LRRK2: variants seen among roughly 807,000 people sequenced by gnomAD.
The protein encoded by LRRK2 is leucine-rich repeat serine/threonine-protein kinase 2.
Under a neutral mutation model 302.6 loss-of-function variants are expected in LRRK2, and 203 were observed. That is an observed-to-expected ratio of 0.67 (90% CI 0.60 to 0.75). The LOEUF (loss-of-function observed/expected upper bound fraction) is 0.75, where lower values mean the gene tolerates loss of function less well. LRRK2 is among the 30% of genes least tolerant of loss of function. The probability of loss-of-function intolerance (pLI) is 0.00; values close to 1 mark genes in which losing one functional copy is unlikely to be tolerated. For missense variants in LRRK2, 2,830 were observed against 2,951.0 expected, an observed-to-expected ratio of 0.96 and a Z score of 0.95; for synonymous variants, 1,066 against 1,031.9, an observed-to-expected ratio of 1.03 and a Z score of -0.63.
At chr12:40,294,209 G>A (rs1206891451) in intron 21 of LRRK2, among the ~76,000 whole-genome samples, 2 of 150,338 alleles carry the variant, frequency 1.3e-5, no homozygotes, top group Non-Finnish European at 3.0e-5. Flanking sequence ...ATCTATTTTG[G>A]TGTATTGAAA....
chr12:40,288,003 TTAA>T (rs1181598891), intron 20 of LRRK2, among the ~76,000 whole-genome samples: 2 of 151,938 alleles, frequency 1.3e-5, no homozygotes, highest in Non-Finnish European at 2.9e-5. Flanking sequence ...TATTAATATT[TTAA>T]TAGCTCACTT....
intron 49 of LRRK2, chr12:40,365,288 T>A (rs1010045157): frequency 9.2e-5 from 43 of 467,024 alleles, no homozygotes; most frequent in African/African-American, 7.7e-4. Context: ...TCAGTTTGGG[T>A]CTTACTTGCT....
At chr12:40,259,226 A>G (rs1250408459) in intron 12 of LRRK2, among the ~76,000 whole-genome samples, 2 of 152,218 alleles carry the variant, frequency 1.3e-5, no homozygotes, top group Admixed American at 1.3e-4. Flanking sequence ...TTATTGACCC[A>G]TCGTAGGTCA....
chr12:40,316,884 G>C (rs181505086), intron 33 of LRRK2, among the ~76,000 whole-genome samples: 8 of 152,142 alleles, frequency 5.3e-5, no homozygotes, highest in Non-Finnish European at 1.0e-4. Context: ...CCTAGCTGGC[G>C]CACAATAGTT....
chr12:40,283,924 G>A lies in LRRK2; in HGVS notation c.2291G>A (p.Ser764Asn), dbSNP rs774818561. 1.2e-6 allele frequency: 2 copies of A among 1,613,730 alleles called. No homozygotes were observed. Among genetic ancestry groups the A allele is most frequent in the South Asian group, 2.2e-5 (2 of 91,042 alleles). The change falls in exon 19 of 51, where the codon AGT becomes AAT. Residue 764 changes from serine (S) to asparagine (N), a missense_variant. Ser to Asn is a conservative substitution (Grantham distance 46, BLOSUM62 1). Transcript: ENST00000298910. ...SPKLVELLLNSGSREQDVRKA... is the reference protein window; with the variant it reads ...SPKLVELLLNNGSREQDVRKA... ...AAATTGGTGGAACTCTTACTGAATA[G>A]TGGATCTCGTGAACAAGATGTACGA...
rs564219982 is a variant in LRRK2 at position 40,336,816 on chromosome 12, T to C, written c.5948+1659T>C. ...AGGTAAAGTGCAGAATAGTCTCCTGTATTTCAGTGCCCTCTTTCCTTCATT... is the reference window on the plus strand; with the variant it reads ...AGGTAAAGTGCAGAATAGTCTCCTGCATTTCAGTGCCCTCTTTCCTTCATT... On this transcript the variant is annotated intron_variant, in intron 40 of 50. Transcript: ENST00000298910. Among the ~76,000 whole-genome samples the C allele has an allele frequency of 7.9e-5, 12 of 152,326 alleles. 1 individual carries two copies. Among genetic ancestry groups the C allele is most frequent in the Admixed American group, 7.8e-4 (12 of 15,290 alleles).
intron 1 of LRRK2, 83 bp from the exon 2 acceptor site, chr12:40,225,472 T>C: frequency 2.9e-6 from 4 of 1,363,238 alleles, no homozygotes; most frequent in Non-Finnish European, 4.2e-6. Context: ...CTTTTTGACT[T>C]TTCTCCCCGT....
At chr12:40,276,595 C>A (rs1943464736) in intron 16 of LRRK2, among the ~76,000 whole-genome samples, 1 of 152,136 alleles carries the variant, frequency 6.6e-6, no homozygotes, top group African/African-American at 2.4e-5. Context: ...TGCACCCGGC[C>A]TTCAGTTCAG....
At chr12:40,356,748 T>C (rs564830859) in intron 46 of LRRK2, among the ~76,000 whole-genome samples, 1 of 152,334 alleles carries the variant, frequency 6.6e-6, no homozygotes, top group South Asian at 2.1e-4. Flanking sequence ...TTATTTCTTT[T>C]GTAATTTTTA....
intron 2 of LRRK2, among the ~76,000 whole-genome samples, chr12:40,226,735 T>C (rs946285304): frequency 1.3e-5 from 2 of 152,238 alleles, no homozygotes; most frequent in Non-Finnish European, 2.9e-5. Flanking sequence ...ATAATAAAGA[T>C]GCTGTTCTTT....
intron 14 of LRRK2, among the ~76,000 whole-genome samples, chr12:40,267,081 T>C (rs1943049883): frequency 6.6e-6 from 1 of 152,040 alleles, no homozygotes; most frequent in Admixed American, 6.6e-5. Context: ...CATGTATACA[T>C]ATGTAACTAA....
intron 20 of LRRK2, among the ~76,000 whole-genome samples, chr12:40,291,544 C>G (rs1386276693): frequency 6.6e-5 from 10 of 151,544 alleles, no homozygotes; most frequent in Admixed American, 4.0e-4. Context: ...GGATAACTTT[C>G]TGGTTATTGG....
chr12:40,307,782 T>TTTTC (rs71434314), intron 28 of LRRK2, among the ~76,000 whole-genome samples: 4 of 4,232 alleles, frequency 9.5e-4, no homozygotes, highest in African/African-American at 2.2e-3. Flanking sequence ...TTTTCTTTTC[T>TTTTC]TTTTTTTTTT....
chr12:40,260,463 T>C (rs1391882483), intron 13 of LRRK2, among the ~76,000 whole-genome samples: 1 of 151,158 alleles, frequency 6.6e-6, no homozygotes, highest in Non-Finnish European at 1.5e-5. Flanking sequence ...CAGAAGAAAG[T>C]GCACATGGTC....
At chr12:40,315,377 T>G (rs1945183209) in intron 33 of LRRK2, 77 bp downstream of exon 33, 6 of 1,261,740 alleles carry the variant, frequency 4.8e-6, no homozygotes, top group Non-Finnish European at 7.0e-6. Context: ...CATTGAGCAT[T>G]TTAGAATTTG....
intron 16 of LRRK2, among the ~76,000 whole-genome samples, chr12:40,277,258 G>A (rs1268548408): frequency 1.3e-5 from 2 of 152,136 alleles, no homozygotes; most frequent in Non-Finnish European, 2.9e-5. Flanking sequence ...TGAGTGAAGA[G>A]GACAGACTCT....
Position 40,334,957 on chromosome 12 carries a change from A to G in LRRK2, c.5758-10A>G, listed in dbSNP as rs200377124. On this transcript the variant is annotated splice_polypyrimidine_tract_variant and intron_variant, in intron 39 of 50. Coordinates refer to ENST00000298910, the MANE Select transcript of LRRK2 (RefSeq NM_198578.4). ...TTGAATTACTCTTACATGATTTTGG[A>G]CTTTTGCAGGAGCTTGTGGTGCTTT... 6.9e-5 allele frequency: 111 copies of G among 1,613,610 alleles called. No individual in the cohort carries two copies. The East Asian group carries it at 2.5e-3, about 36-fold the overall frequency.
At chr12:40,357,674 A>G (rs1418761480) in intron 46 of LRRK2, among the ~76,000 whole-genome samples, 1 of 151,892 alleles carries the variant, frequency 6.6e-6, no homozygotes, top group Admixed American at 6.6e-5. Flanking sequence ...TTTCATTTGC[A>G]TTTTTACTGA....
intron 48 of LRRK2, among the ~76,000 whole-genome samples, chr12:40,364,230 TG>T (rs1946804640): frequency 6.6e-6 from 1 of 152,056 alleles, no homozygotes; most frequent in Non-Finnish European, 1.5e-5. Flanking sequence ...CAAAGTTTCC[TG>T]TCTTAGATTC....
Sources: gnomAD v4.1 joint callset for allele counts (sites outside exome capture counted in the v4.1 genomes callset) on GRCh38, gnomAD v4.1.1 for gene constraint, MANE v1.5 for transcripts, NCBI Gene and HGNC (gene_info 2026-07-23, HGNC 2026-07-21) for gene names.